Variants in MAPK14 observed in about 807,000 individuals in gnomAD.
The protein encoded by MAPK14 is CSAID-binding protein.
In MAPK14, 16 loss-of-function variants were observed where a neutral mutation model predicts 49.6. The ratio of observed to expected loss-of-function variants is 0.32; its 90% CI spans 0.22 to 0.49. The LOEUF is 0.49. Among genes scored for constraint, MAPK14 ranks in the 20% least tolerant of loss-of-function variants. MAPK14 has a pLI of 0.99. For missense variants in MAPK14, 200 were observed against 441.2 expected (o/e 0.45, Z 4.90); for synonymous variants, 142 against 158.0 (o/e 0.90, Z 0.76).
intron 9 of MAPK14, chr6:36,096,268 A>T: frequency 2.0e-6 from 1 of 500,640 alleles, no homozygotes; most frequent in Non-Finnish European, 3.6e-6. Flanking sequence ...AGTGTGTTTT[A>T]TTCTCTATCT....
chr6:36,102,791 T>A (rs1765681212), intron 10 of MAPK14, 142 bp downstream of exon 10: 1 of 1,444,058 alleles, frequency 6.9e-7, no homozygotes, highest in Non-Finnish European at 9.3e-7. Context: ...GCTTTTATTA[T>A]CTATTTGTGT....
At chr6:36,043,804 C>CTTTTTTTTTTTTTTTT (rs796534477) in intron 1 of MAPK14, among the ~76,000 whole-genome samples, 32 of 90,398 alleles carry the variant, frequency 3.5e-4, no homozygotes, top group East Asian at 6.9e-4. Flanking sequence ...CTTTTTCTTT[C>CTTTTTTTTTTTTTTTT]TTTTTTTTTT....
Position 36,073,691 on chromosome 6 carries a change from T to C in MAPK14, c.418T>C (p.Tyr140His). The change falls in exon 5 of 12, where the codon TAT becomes CAT. Residue 140 changes from tyrosine (Y) to histidine (H), a missense_variant and splice_region_variant. This residue lies in a region of MAPK14 where 170 missense variants were observed against 407.0 expected (regional missense o/e 0.42). Coordinates refer to ENST00000229794, the MANE Select transcript of MAPK14 (RefSeq NM_139012.3). ...LIYQILRGLK[Y>H]IHSADIIHRD... ...ACTTTGACTTTTTTCTCTTTTGCAG[T>C]ATATACATTCAGCTGACATAATTCA... 1 of 1,612,128 alleles carries C rather than the reference T, an allele frequency of 6.2e-7. No homozygotes were observed. The highest frequency in any genetic ancestry group is 8.5e-7 in the Non-Finnish European group (1 of 1,179,054).
intron 1 of MAPK14, chr6:36,029,293 A>G (rs1196305939): frequency 1.3e-5 from 2 of 152,186 alleles, no homozygotes; most frequent in Non-Finnish European, 2.9e-5. Context: ...AAGGATATGG[A>G]ACCACATAGA....
At chr6:36,067,416 T>C (rs972238132) in intron 3 of MAPK14, among the ~76,000 whole-genome samples, 1 of 152,120 alleles carries the variant, frequency 6.6e-6, no homozygotes, top group African/African-American at 2.4e-5. Flanking sequence ...CACTGCTGCA[T>C]CCCCAGGGCC....
At chr6:36,074,827 G>A (rs1427547356) in intron 6 of MAPK14, among the ~76,000 whole-genome samples, 5 of 151,832 alleles carry the variant, frequency 3.3e-5, no homozygotes. Context: ...TGTTGGCTAG[G>A]ATGGTGTCGA....
intron 10 of MAPK14, among the ~76,000 whole-genome samples, chr6:36,103,515 A>G (rs1365216803): frequency 6.6e-6 from 1 of 151,996 alleles, no homozygotes; most frequent in Admixed American, 6.6e-5. Context: ...AATTTTTTAA[A>G]GAATTCTTTG....
chr6:36,106,268 CAT>C (rs1446069008), intron 10 of MAPK14, among the ~76,000 whole-genome samples: 15 of 152,248 alleles, frequency 9.9e-5, no homozygotes, highest in African/African-American at 3.6e-4. Context: ...GGTATAGACA[CAT>C]GACAGCAAAA....
chr6:36,064,394 A>G (rs1581775308), intron 3 of MAPK14, among the ~76,000 whole-genome samples: 2 of 152,002 alleles, frequency 1.3e-5, no homozygotes, highest in East Asian at 3.9e-4. Context: ...GTCATGAGTT[A>G]AGTGGAAATT....
intron 9 of MAPK14, among the ~76,000 whole-genome samples, chr6:36,098,999 G>A (rs138868159): frequency 1.4e-4 from 22 of 152,166 alleles, no homozygotes; most frequent in Admixed American, 1.4e-3. Flanking sequence ...CTTAGGGAGC[G>A]TAAAAGGCAG....
At chr6:36,092,806 A>T (rs1190451330) in intron 8 of MAPK14, among the ~76,000 whole-genome samples, 1 of 152,126 alleles carries the variant, frequency 6.6e-6, no homozygotes, top group East Asian at 1.9e-4. Context: ...TGATGAAAGG[A>T]TGTGCCATGG....
intron 8 of MAPK14, among the ~76,000 whole-genome samples, chr6:36,083,659 A>G (rs745763970): frequency 1.3e-5 from 2 of 152,186 alleles, no homozygotes; most frequent in Non-Finnish European, 2.9e-5. Flanking sequence ...CTCTGCGGGA[A>G]TTTCAGCAAC....
intron 8 of MAPK14, among the ~76,000 whole-genome samples, chr6:36,093,874 C>G (rs908208934): frequency 3.9e-5 from 6 of 152,068 alleles, no homozygotes; most frequent in African/African-American, 1.4e-4. Flanking sequence ...TTGAAGTAGT[C>G]AAGATTTTTC....
At chr6:36,081,854 T>G (rs1456271050) in intron 8 of MAPK14, among the ~76,000 whole-genome samples, 3 of 152,208 alleles carry the variant, frequency 2.0e-5, no homozygotes, top group African/African-American at 7.2e-5. Context: ...TTAACCACTA[T>G]TAAGTCATCC....
chr6:36,028,097 G>A lies in MAPK14; in HGVS notation c.-61G>A. ...GCGGGCAGCAAGGGCCGGGGAGAGG[G>A]TGCGGGTGCAGGCGGGGGCCCCACA... On this transcript the variant is annotated 5_prime_UTR_variant, in exon 1 of 12. In the 5' UTR this introduces an upstream ATG that the reference lacks. Coordinates refer to ENST00000229794, the MANE Select transcript of MAPK14 (RefSeq NM_139012.3). The surrounding 1 kb of genome is among the most constrained non-coding windows in gnomAD (Gnocchi z 5.1). 1 of 1,149,420 alleles carries A rather than the reference G, an allele frequency of 8.7e-7. No individual in the cohort carries two copies. The allele number at this position is 1,149,420 out of a possible 1,614,324, so 71.2% of individuals were successfully genotyped here. A position where few individuals can be genotyped will look rare whatever the true frequency, so the allele number is the denominator to read the frequency against.
intron 1 of MAPK14, among the ~76,000 whole-genome samples, chr6:36,040,028 G>A (rs1263010760): frequency 6.6e-6 from 1 of 151,586 alleles, no homozygotes; most frequent in Non-Finnish European, 1.5e-5. Context: ...TATCAGTCCA[G>A]AGGAGACATA....
chr6:36,039,382 A>G (rs1346912902), intron 1 of MAPK14, among the ~76,000 whole-genome samples: 1 of 152,168 alleles, frequency 6.6e-6, no homozygotes, highest in Non-Finnish European at 1.5e-5. Context: ...TGTTATTTGA[A>G]TATGTGGTTA....
At chr6:36,066,554 T>C (rs1400026693) in intron 3 of MAPK14, among the ~76,000 whole-genome samples, 1 of 152,124 alleles carries the variant, frequency 6.6e-6, no homozygotes, top group Non-Finnish European at 1.5e-5. Flanking sequence ...CTAAAGAAGG[T>C]AATAACTGTG....
chr6:36,079,359 C>T (rs1764654807), intron 8 of MAPK14, among the ~76,000 whole-genome samples: 1 of 152,296 alleles, frequency 6.6e-6, no homozygotes, highest in South Asian at 2.1e-4. Flanking sequence ...GAAAGACATG[C>T]ACCTGTCACT....
Sources: gnomAD v4.1 joint callset for allele counts (sites outside exome capture counted in the v4.1 genomes callset) on GRCh38, gnomAD v4.1.1 for gene constraint, gnomAD v4.1.1 regional missense constraint, Gnocchi (gnomAD v3.1) non-coding constraint, MANE v1.5 for transcripts, NCBI Gene and HGNC (gene_info 2026-07-23, HGNC 2026-07-21) for gene names.